Variants in AGMO observed in about 807,000 individuals in gnomAD.
AGMO encodes glyceryl-ether monooxygenase.
AGMO carries 75 observed loss-of-function variants against 60.2 expected under a neutral mutation model. The observed-to-expected ratio is 1.25, with a 90% CI of 1.03 to 1.51. The LOEUF (loss-of-function observed/expected upper bound fraction) is 1.51. Among genes scored for constraint, AGMO ranks in the 40% most tolerant of loss-of-function variants. The probability of loss-of-function intolerance (pLI) is 0.00; values close to 1 mark genes in which losing one functional copy is unlikely to be tolerated. For synonymous variants in AGMO, 261 were observed against 177.1 expected (o/e 1.47, Z -3.76); for missense variants, 763 against 525.5 (o/e 1.45, Z -4.42).
intron 12 of AGMO, among the ~76,000 whole-genome samples, chr7:15,249,051 AC>A (rs1304972943): frequency 6.6e-6 from 1 of 152,172 alleles, no homozygotes; most frequent in East Asian, 1.9e-4. Context: ...AACCTACAAT[AC>A]TATGTAGGGT....
chr7:15,372,408 A>AGTCTAAGTAAGTTTAGCAAATAGTCATAT, intron 10 of AGMO, among the ~76,000 whole-genome samples: 1 of 152,202 alleles, frequency 6.6e-6, no homozygotes, highest in Admixed American at 6.5e-5. Context: ...GTGAGGCAAG[A>AGTCTAAGTAAGTTTAGCAAATAGTCATAT]TCATGCCATT....
chr7:15,392,519 G>A (rs887592813), intron 6 of AGMO, among the ~76,000 whole-genome samples: 1 of 152,048 alleles, frequency 6.6e-6, no homozygotes. Context: ...AATGCTTTTA[G>A]GCTGGGTGCA....
chr7:15,291,000 AG>A (rs1784249039), intron 12 of AGMO, among the ~76,000 whole-genome samples: 4 of 152,082 alleles, frequency 2.6e-5, no homozygotes, highest in South Asian at 4.1e-4. Flanking sequence ...TTTTTTCGAA[AG>A]TGCATTTTAT....
chr7:15,466,867 C>T (rs1782307246), intron 3 of AGMO, among the ~76,000 whole-genome samples: 1 of 152,038 alleles, frequency 6.6e-6, no homozygotes, highest in Admixed American at 6.6e-5. Context: ...GTTAATTGTA[C>T]TGTCTGTCTT....
chr7:15,515,796 T>G (rs1783793564), intron 3 of AGMO, among the ~76,000 whole-genome samples: 1 of 152,228 alleles, frequency 6.6e-6, no homozygotes, highest in South Asian at 2.1e-4. Context: ...ATTTTGTTAT[T>G]TCTTCAACAG....
At chr7:15,481,261 A>C (rs1304716372) in intron 3 of AGMO, among the ~76,000 whole-genome samples, 1 of 152,128 alleles carries the variant, frequency 6.6e-6, no homozygotes, top group Non-Finnish European at 1.5e-5. Context: ...TGTCCTAATA[A>C]TGGGCAGGTC....
chr7:15,128,375 T>C, the AGMO span, among the ~76,000 whole-genome samples: 1 of 152,118 alleles, frequency 6.6e-6, no homozygotes, highest in Admixed American at 6.6e-5. Flanking sequence ...ATAGAAGATA[T>C]GCTGGGTGAA....
chr7:15,144,666 A>G, the AGMO span, among the ~76,000 whole-genome samples: 1 of 152,200 alleles, frequency 6.6e-6, no homozygotes, highest in Non-Finnish European at 1.5e-5. Flanking sequence ...GATATGTTAC[A>G]TGGCTGTCTG....
chr7:15,387,098 A>G (rs1393545938), intron 9 of AGMO, among the ~76,000 whole-genome samples: 2 of 152,146 alleles, frequency 1.3e-5, no homozygotes, highest in Non-Finnish European at 2.9e-5. Flanking sequence ...TCTGAGCTGC[A>G]TGTATTTGTG....
At chr7:15,369,230 T>C (rs187186962) in intron 10 of AGMO, among the ~76,000 whole-genome samples, 157 of 152,196 alleles carry the variant, frequency 1.0e-3, no homozygotes, top group African/African-American at 3.5e-3. Context: ...CTGGTCTTCC[T>C]ACTTCTAAAA....
intron 12 of AGMO, among the ~76,000 whole-genome samples, chr7:15,322,400 A>C (rs2128539261): frequency 7.2e-6 from 1 of 138,568 alleles, no homozygotes; most frequent in Non-Finnish European, 1.5e-5. Context: ...ACCAAAACTG[A>C]GTAGTTCATA....
intron 2 of AGMO, among the ~76,000 whole-genome samples, chr7:15,551,588 A>G (rs1031552378): frequency 7.9e-5 from 12 of 151,636 alleles, no homozygotes; most frequent in African/African-American, 2.9e-4. Flanking sequence ...AGAGAATAAA[A>G]TACTTAGGAA....
In AGMO at chr7:15,561,887, T is replaced by A; in HGVS notation, c.-42A>T. 6.4e-7 allele frequency: 1 copy of A among 1,560,872 alleles called. No homozygotes were observed. The highest frequency in any genetic ancestry group is 8.7e-7 in the Non-Finnish European group (1 of 1,149,474). ...TTCCCAGCTGGAGAATATTTAGGAT[T>A]CAATGCTTGAAGCCTGAGGCTGAAC... On this transcript the variant is annotated 5_prime_UTR_variant, in exon 1 of 13. Transcript: ENST00000342526.
intron 3 of AGMO, among the ~76,000 whole-genome samples, chr7:15,474,726 A>G (rs1562525827): frequency 6.6e-6 from 1 of 152,336 alleles, no homozygotes; most frequent in East Asian, 1.9e-4. Flanking sequence ...GAGCTTCTGC[A>G]CAGCAAAAGA....
chr7:15,217,272 G>C (rs1025933591), intron 12 of AGMO, among the ~76,000 whole-genome samples: 1 of 152,032 alleles, frequency 6.6e-6, no homozygotes, highest in Non-Finnish European at 1.5e-5. Flanking sequence ...CAAGGAACAT[G>C]GGAAGCCCAG....
chr7:15,252,504 T>C (rs527607998), intron 12 of AGMO, among the ~76,000 whole-genome samples: 1 of 152,296 alleles, frequency 6.6e-6, no homozygotes, highest in African/African-American at 2.4e-5. Context: ...AATGCCTATG[T>C]GGAAAGCAGC....
At chr7:15,325,789 G>T (rs1781320942) in intron 12 of AGMO, among the ~76,000 whole-genome samples, 1 of 151,976 alleles carries the variant, frequency 6.6e-6, no homozygotes, top group African/African-American at 2.4e-5. Flanking sequence ...TTTTCATTAG[G>T]ATTATCTTAA....
intron 12 of AGMO, among the ~76,000 whole-genome samples, chr7:15,239,623 A>C (rs1187942252): frequency 6.6e-6 from 1 of 152,090 alleles, no homozygotes; most frequent in Non-Finnish European, 1.5e-5. Flanking sequence ...TTATCTTTCC[A>C]AGGTTGACAT....
At position 15,398,333 on chromosome 7, in the gene AGMO, G is replaced by A. The variant is rs115569343; in HGVS notation, c.610-4154C>T. 6.7e-3 allele frequency among the ~76,000 whole-genome samples: 1,021 copies of A among 152,214 alleles called. 9 individuals are homozygous for A. The highest frequency in any genetic ancestry group is 0.024 in the African/African-American group (986 of 41,520). ...AAATCTTTTGCTCCTGCAGGCTAAA[G>A]CACGGTGATAACAATATTGAAAGTT... On this transcript the variant is annotated intron_variant, in intron 5 of 12. Coordinates refer to ENST00000342526, the MANE Select transcript of AGMO (RefSeq NM_001004320.2).
Sources: allele counts gnomAD v4.1 joint callset (sites outside exome capture counted in the v4.1 genomes callset), GRCh38; gene constraint gnomAD v4.1.1; transcripts MANE v1.5; gene names NCBI Gene and HGNC (gene_info 2026-07-23, HGNC 2026-07-21).